Variants in ELOVL4 observed in about 807,000 individuals in gnomAD.
ELOVL4 encodes the protein very long chain fatty acid elongase 4.
In ELOVL4, 18 loss-of-function variants were observed where a neutral mutation model predicts 42.1. That is an observed-to-expected ratio of 0.43 (90% CI 0.30 to 0.63). ELOVL4 has a LOEUF of 0.63. Among genes scored for constraint, ELOVL4 ranks in the 30% least tolerant of loss-of-function variants. The pLI is 0.15. For missense variants in ELOVL4, 299 were observed against 376.2 expected, an observed-to-expected ratio of 0.79 and a Z score of 1.70; for synonymous variants, 117 against 127.0, an observed-to-expected ratio of 0.92 and a Z score of 0.53.
intron 5 of ELOVL4, among the ~76,000 whole-genome samples, chr6:79,917,151 T>C (rs930767094): frequency 1.3e-5 from 2 of 152,154 alleles, no homozygotes; most frequent in Admixed American, 1.3e-4. Context: ...AGGAGAATTA[T>C]ACCTATTTGA....
intron 5 of ELOVL4, among the ~76,000 whole-genome samples, chr6:79,918,963 T>G (rs1244251225): frequency 2.0e-5 from 3 of 152,174 alleles, no homozygotes; most frequent in Non-Finnish European, 4.4e-5. Context: ...TTCAGCTGTT[T>G]AGTCTAAATA....
intron 1 of ELOVL4, among the ~76,000 whole-genome samples, chr6:79,941,086 A>G (rs1158293174): frequency 6.6e-6 from 1 of 152,236 alleles, no homozygotes; most frequent in Non-Finnish European, 1.5e-5. Flanking sequence ...TTTATTTACT[A>G]TAAAGAATGA....
At chr6:79,942,882 C>CA (rs1324389419) in intron 1 of ELOVL4, among the ~76,000 whole-genome samples, 1 of 151,994 alleles carries the variant, frequency 6.6e-6, no homozygotes, top group Non-Finnish European at 1.5e-5. Context: ...CAAACCAAAA[C>CA]AAAAAACCAT....
intron 1 of ELOVL4, among the ~76,000 whole-genome samples, chr6:79,939,260 T>G (rs961785493): frequency 1.3e-5 from 2 of 152,124 alleles, no homozygotes; most frequent in Admixed American, 1.3e-4. Flanking sequence ...TGTATTAATT[T>G]TATAATATAT....
In ELOVL4 at chr6:79,921,815, T is replaced by C. The variant is rs775098373; in HGVS notation, c.370-19A>G. On this transcript the variant is annotated intron_variant, in intron 3 of 5. Transcript: ENST00000369816. ...CAGCTATCTGTAAAAAGGGAAAGCG[T>C]GTTATAAACACCAAAATGACACTAT... 4.0e-5 allele frequency: 65 copies of C among 1,612,462 alleles called. No homozygotes were observed. The highest frequency in any genetic ancestry group is 5.3e-5 in the Non-Finnish European group (62 of 1,178,798).
Position 79,922,973 on chromosome 6 carries a change from TA to T in ELOVL4, c.370-1178del, listed in dbSNP as rs371993312. Among the ~76,000 whole-genome samples, 37 of 152,302 alleles carry T rather than the reference TA, an allele frequency of 2.4e-4. No individual in the cohort carries two copies. In the East Asian group the frequency reaches 6.2e-3, roughly 25 times the overall value. On this transcript the variant is annotated intron_variant, in intron 3 of 5. Coordinates refer to ENST00000369816, the MANE Select transcript of ELOVL4 (RefSeq NM_022726.4). ...TAGTTAACTACTCCCAGCAACACTA[TA>T]GTTAATATTCACTATTATATTAGTT...
chr6:79,941,431 T>G (rs776887100), intron 1 of ELOVL4, among the ~76,000 whole-genome samples: 8 of 152,216 alleles, frequency 5.3e-5, no homozygotes, highest in Non-Finnish European at 1.2e-4. Context: ...AACAATCATA[T>G]CTGATTTTAT....
chr6:79,945,769 G>T (rs181376046), intron 1 of ELOVL4, among the ~76,000 whole-genome samples: 5 of 151,746 alleles, frequency 3.3e-5, no homozygotes, highest in Admixed American at 2.6e-4. Context: ...CAGGTACAGT[G>T]TAACATCAGT....
At chr6:79,928,744 T>TTG (rs1774393050) in intron 1 of ELOVL4, among the ~76,000 whole-genome samples, 1 of 143,938 alleles carries the variant, frequency 6.9e-6, no homozygotes, top group African/African-American at 2.6e-5. Flanking sequence ...TTTTTTTTTT[T>TTG]TTTTTTTTTT....
intron 5 of ELOVL4, among the ~76,000 whole-genome samples, chr6:79,918,818 G>A (rs1774202181): frequency 6.6e-6 from 1 of 152,172 alleles, no homozygotes; most frequent in Non-Finnish European, 1.5e-5. Flanking sequence ...GCTGAAAACT[G>A]TCTGGACTAA....
chr6:79,919,551 T>C lies in ELOVL4; in HGVS notation c.542-4A>G, dbSNP rs1439203221. 3 of 1,613,186 alleles carry C rather than the reference T, an allele frequency of 1.9e-6. No homozygotes were observed. The highest frequency in any genetic ancestry group is 2.5e-6 in the Non-Finnish European group (3 of 1,179,682). ...TTCAACTGGGCTCCAAAAAATGCTT[T>C]AGAAAAACAACAGGTAATTACAAGA... On this transcript the variant is annotated splice_polypyrimidine_tract_variant and splice_region_variant and intron_variant, in intron 4 of 5. Transcript: ENST00000369816.
At chr6:79,928,926 T>G (rs919432349) in intron 1 of ELOVL4, among the ~76,000 whole-genome samples, 2 of 151,796 alleles carry the variant, frequency 1.3e-5, no homozygotes, top group Non-Finnish European at 2.9e-5. Context: ...ATATATAGTG[T>G]GGTGCACTGT....
In ELOVL4 at chr6:79,926,245, G is replaced by T; in HGVS notation, c.237C>A (p.Leu79=). 5.0e-6 allele frequency: 8 copies of T among 1,613,846 alleles called. No individual in the cohort carries two copies. Among genetic ancestry groups the T allele is most frequent in the Middle Eastern group, 1.7e-4 (1 of 6,060 alleles). ...DREPFQMRLV[L]IIYNFGMVLL... is the part of the protein sequence containing the mutation. ...AAACCATCCCAAAATTATAGATAATGAGCACTAGACGCATCTGAAAAGGTT... is the reference window on the plus strand; with the variant it reads ...AAACCATCCCAAAATTATAGATAATTAGCACTAGACGCATCTGAAAAGGTT... The change falls in exon 2 of 6, where the codon CTC becomes CTA. Residue 79 remains leucine, a synonymous_variant. Transcript: ENST00000369816.
chr6:79,926,449 G>A (rs1051899795), intron 1 of ELOVL4, 68 bp from the exon 2 acceptor site: 1 of 1,458,918 alleles, frequency 6.9e-7, no homozygotes, highest in Non-Finnish European at 9.4e-7. Context: ...CACTTTTTAG[G>A]AATCAAGATG....
At chr6:79,919,607 T>C in intron 4 of ELOVL4, 60 bp from the exon 5 acceptor site, 1 of 1,447,904 alleles carries the variant, frequency 6.9e-7, no homozygotes, top group South Asian at 1.2e-5. Flanking sequence ...AGTAAGCCAC[T>C]GAGATGTACA....
intron 1 of ELOVL4, among the ~76,000 whole-genome samples, chr6:79,940,061 G>A (rs1372721637): frequency 6.6e-6 from 1 of 152,100 alleles, no homozygotes; most frequent in Admixed American, 6.6e-5. Flanking sequence ...TGCTATGTAC[G>A]TGTGTGAAAA....
In ELOVL4 at chr6:79,916,292, A is replaced by C. The variant is rs1774159050; in HGVS notation, c.*316T>G. 3.1e-6 allele frequency: 1 copy of C among 326,588 alleles called. No homozygotes were observed. The highest frequency in any genetic ancestry group is 5.7e-6 in the Non-Finnish European group (1 of 175,492). 20.2% of individuals were successfully genotyped at this position (326,588 alleles called of 1,614,324 possible). On this transcript the variant is annotated 3_prime_UTR_variant, in exon 6 of 6. Coordinates refer to ENST00000369816, the MANE Select transcript of ELOVL4 (RefSeq NM_022726.4). ...TTCAGACCGAAGAATGAGTGACTAT[A>C]AGATACATGAAAAATCTCATCCTTT... is the stretch of plus-strand genomic sequence containing the variant.
At chr6:79,923,495 T>C (rs1297695859) in intron 3 of ELOVL4, among the ~76,000 whole-genome samples, 1 of 152,228 alleles carries the variant, frequency 6.6e-6, no homozygotes, top group Non-Finnish European at 1.5e-5. Flanking sequence ...CAAACACTTA[T>C]CCCTGTTCCC....
chr6:79,946,820 A>T (rs1036373836), intron 1 of ELOVL4, among the ~76,000 whole-genome samples: 1 of 152,136 alleles, frequency 6.6e-6, no homozygotes, highest in Non-Finnish European at 1.5e-5. Context: ...AATCCTGTGC[A>T]CGGGGAAGAG....
Sources: gnomAD v4.1 joint callset for allele counts (sites outside exome capture counted in the v4.1 genomes callset) on GRCh38, gnomAD v4.1.1 for gene constraint, MANE v1.5 for transcripts, NCBI Gene and HGNC (gene_info 2026-07-23, HGNC 2026-07-21) for gene names.